Variants in SIAE observed in about 807,000 individuals in gnomAD.
The protein encoded by SIAE is sialic acid acetylesterase, also known as sialate O-acetylesterase.
A neutral mutation model predicts 52.6 loss-of-function variants in SIAE; 39 were observed. That is an observed-to-expected ratio of 0.74 (90% CI 0.57 to 0.97). SIAE has a LOEUF of 0.97. Ranked by LOEUF, SIAE falls within the 50% of genes least tolerant of loss-of-function variation. The pLI is 0.00. For missense variants in SIAE, 592 were observed against 662.1 expected (o/e 0.89, Z 1.16); for synonymous variants, 233 against 241.4 (o/e 0.97, Z 0.32).
At chr11:124,660,849 T>G (rs1170320955) in intron 2 of SIAE, 46 bp from the exon 3 acceptor site, 3 of 1,602,718 alleles carry the variant, frequency 1.9e-6, no homozygotes, top group Non-Finnish European at 8.5e-7. Flanking sequence ...TCAATTAAAG[T>G]GAAATCAAAG....
chr11:124,651,223 C>G (rs1204593053), intron 4 of SIAE, among the ~76,000 whole-genome samples: 1 of 152,074 alleles, frequency 6.6e-6, no homozygotes, highest in African/African-American at 2.4e-5. Context: ...ACACATGGAA[C>G]CTCTCCTCAT....
intron 6 of SIAE, 115 bp from the exon 7 acceptor site, chr11:124,647,613 G>T: frequency 7.6e-7 from 1 of 1,312,628 alleles, no homozygotes; most frequent in Non-Finnish European, 1.1e-6. Context: ...GGTCTCTCTG[G>T]ACTGGTCTTT....
At chr11:124,654,579 C>CA (rs1184023249) in intron 4 of SIAE, 76 bp downstream of exon 4, 1 of 1,612,480 alleles carries the variant, frequency 6.2e-7, no homozygotes, top group Non-Finnish European at 8.5e-7. Flanking sequence ...ACATAAGAAC[C>CA]AAATTCAGTC....
chr11:124,654,519 T>C lies in SIAE; in HGVS notation c.544+136A>G, dbSNP rs943802738. 5 of 1,588,728 alleles carry C rather than the reference T, an allele frequency of 3.1e-6. No homozygotes were observed. The African/African-American group carries it at 6.7e-5, about 21-fold the overall frequency. ...CTGAAATAGTCACCATCAGGAAGGATGAAGAGTCAATAAGAAAGGAATAAA... is the reference window on the plus strand; with the variant it reads ...CTGAAATAGTCACCATCAGGAAGGACGAAGAGTCAATAAGAAAGGAATAAA... On this transcript the variant is annotated intron_variant, in intron 4 of 9. Coordinates refer to ENST00000263593, the MANE Select transcript of SIAE (RefSeq NM_170601.5).
At chr11:124,667,435 A>T (rs1053810550) in intron 2 of SIAE, among the ~76,000 whole-genome samples, 3 of 152,224 alleles carry the variant, frequency 2.0e-5, no homozygotes, top group African/African-American at 7.2e-5. Flanking sequence ...CTTACCTTAC[A>T]TCAATGCCTG....
upstream of SIAE, chr11:124,675,251 T>G: frequency 6.2e-7 from 1 of 1,610,644 alleles, no homozygotes; most frequent in African/African-American, 1.3e-5. Flanking sequence ...CCATAGGCAG[T>G]TCTTACCAAG....
intron 3 of SIAE, among the ~76,000 whole-genome samples, chr11:124,656,414 G>C (rs993702919): frequency 6.6e-6 from 1 of 152,114 alleles, no homozygotes; most frequent in Non-Finnish European, 1.5e-5. Context: ...TGGTGTTCAG[G>C]GTAACAGCTC....
chr11:124,649,868 G>A (rs1470761502), intron 4 of SIAE, 72 bp from the exon 5 acceptor site: 1 of 1,507,990 alleles, frequency 6.6e-7, no homozygotes, highest in African/African-American at 1.4e-5. Flanking sequence ...CTGCTAGGTG[G>A]GTCGAGGTGA....
rs75395180 is a variant in SIAE, at chr11:124,661,855, T to A, written c.230-1052A>T. On this transcript the variant is annotated intron_variant, in intron 2 of 9. Transcript: ENST00000263593. ...CTGGAAATGGAGCATCCTAAAATGA[T>A]TACATCCAATCTATGGGAAATAATA... is the stretch of plus-strand genomic sequence containing the variant. Among the ~76,000 whole-genome samples, 667 of 152,324 alleles carry A rather than the reference T, an allele frequency of 4.4e-3. 19 individuals carry two copies. The East Asian group carries it at 0.092, about 21-fold the overall frequency.
In SIAE at chr11:124,646,000, T is replaced by C. The variant is rs1476038275; in HGVS notation, c.966+1365A>G. Among the ~76,000 whole-genome samples the C allele has an allele frequency of 6.6e-6, 1 of 152,140 alleles. No individual in the cohort carries two copies. The highest frequency in any genetic ancestry group is 1.5e-5 in the Non-Finnish European group (1 of 68,004). On this transcript the variant is annotated intron_variant, in intron 7 of 9. Transcript: ENST00000263593. The surrounding 1 kb of genome is among the most constrained non-coding windows in gnomAD (Gnocchi z 4.7). ...CGGAGGTGGTGTCTGGGACCATGGA[T>C]GTCCCATTTACACAGGAAAGCCTAC...
chr11:124,646,240 G>A (rs1407951397), intron 7 of SIAE, among the ~76,000 whole-genome samples: 2 of 152,228 alleles, frequency 1.3e-5, no homozygotes, highest in Non-Finnish European at 2.9e-5. Context: ...CTAATTAAAT[G>A]TATGGTTTCT....
Position 124,649,658 on chromosome 11 carries a change from G to C in SIAE, c.683C>G (p.Ser228Cys), listed in dbSNP as rs746906284. 7 of 1,614,084 alleles carry C rather than the reference G, an allele frequency of 4.3e-6. No homozygotes were observed. In the African/African-American group the frequency reaches 8.0e-5, roughly 18 times the overall value. ...CCCACAGGCTTTCAGTGACCGTCCAGATGACCAGGCTTCAATGGGTGTCCC... is the reference window on the plus strand; with the variant it reads ...CCCACAGGCTTTCAGTGACCGTCCACATGACCAGGCTTCAATGGGTGTCCC... ...WGGTPIEAWS[S>C]GRSLKACGVP... Residue 228 changes from serine (S) to cysteine (C), a missense_variant, in exon 5 of 10, where the codon TCT (serine) becomes TGT (cysteine). Physicochemically the swap from Ser to Cys is moderately radical, Grantham distance 112 (BLOSUM62 -1). Transcript: ENST00000263593.
intron 8 of SIAE, among the ~76,000 whole-genome samples, 185 bp from the exon 9 acceptor site, chr11:124,638,922 C>T (rs1307363284): frequency 6.6e-6 from 1 of 152,148 alleles, no homozygotes; most frequent in Admixed American, 6.5e-5. Context: ...GGCTCTGGGC[C>T]TTCTATGGGT....
At chr11:124,671,709 G>C (rs1019711856) in intron 1 of SIAE, among the ~76,000 whole-genome samples, 1 of 152,152 alleles carries the variant, frequency 6.6e-6, no homozygotes, top group Admixed American at 6.5e-5. Context: ...AGAGAGCAAG[G>C]CTGGTCATTC....
At chr11:124,673,983 A>ACCAAGACCTAGCCTTTT, upstream of SIAE, 1 of 524,340 alleles carries the variant, frequency 1.9e-6, no homozygotes. Context: ...CCTCTCCGAT[A>ACCAAGACCTAGCCTTTT]CCAAGACCTA....
In SIAE at chr11:124,636,845, G is replaced by T; in HGVS notation, c.*106C>A. ...TGCTAGCTGAAAGCCATTCAATGAG[G>T]CTTTCTATTAATTTCCTTTAAAAGC... On this transcript the variant is annotated 3_prime_UTR_variant, in exon 10 of 10. Coordinates refer to ENST00000263593, the MANE Select transcript of SIAE (RefSeq NM_170601.5). 1 of 1,510,718 alleles carries T rather than the reference G, an allele frequency of 6.6e-7. No individual in the cohort carries two copies. Among genetic ancestry groups the T allele is most frequent in the Admixed American group, 1.7e-5 (1 of 59,614 alleles). 93.6% of individuals were successfully genotyped at this position (1,510,718 alleles called of 1,614,324 possible).
intron 5 of SIAE, 37 bp downstream of exon 5, chr11:124,649,582 G>A (rs79300393): frequency 0.019 from 30,799 of 1,609,580 alleles, 342 homozygotes; most frequent in Non-Finnish European, 0.021. Context: ...ATAATTCCCT[G>A]GTAGGCTCTT....
intron 7 of SIAE, among the ~76,000 whole-genome samples, chr11:124,647,043 G>A (rs1283114629): frequency 6.6e-6 from 1 of 152,124 alleles, no homozygotes; most frequent in African/African-American, 2.4e-5. Context: ...CTTATTTTTG[G>A]ATTGGAAAAT....
At chr11:124,637,671 A>G (rs1942773273) in intron 9 of SIAE, among the ~76,000 whole-genome samples, 1 of 152,160 alleles carries the variant, frequency 6.6e-6, no homozygotes, top group African/African-American at 2.4e-5. Context: ...ATGGGAATAC[A>G]AATTATCCAG....
Sources: allele counts gnomAD v4.1 joint callset (sites outside exome capture counted in the v4.1 genomes callset), GRCh38; gene constraint gnomAD v4.1.1; non-coding constraint Gnocchi (gnomAD v3.1); transcripts MANE v1.5; gene names NCBI Gene and HGNC (gene_info 2026-07-23, HGNC 2026-07-21).